SLC9C2: variants seen among roughly 807,000 people sequenced by gnomAD.
SLC9C2 encodes the protein sodium/hydrogen exchanger 11.
A neutral mutation model predicts 140.2 loss-of-function variants in SLC9C2; 75 were observed. That is an observed-to-expected ratio of 0.53 (90% CI 0.44 to 0.65). SLC9C2 has a LOEUF of 0.65. Among genes scored for constraint, SLC9C2 ranks in the 30% least tolerant of loss-of-function variants. The probability of loss-of-function intolerance (pLI) is 0.00; values close to 1 mark genes in which losing one functional copy is unlikely to be tolerated. For missense variants in SLC9C2, 1,074 were observed against 1,331.8 expected, an observed-to-expected ratio of 0.81 and a Z score of 3.01; for synonymous variants, 375 against 420.9, an observed-to-expected ratio of 0.89 and a Z score of 1.34.
At chr1:173,570,420 CA>C (rs759358734) in intron 9 of SLC9C2, among the ~76,000 whole-genome samples, 14 of 152,106 alleles carry the variant, frequency 9.2e-5, no homozygotes, top group Middle Eastern at 3.4e-3. Context: ...AGCTGGTATC[CA>C]AGATGCAGGA....
In SLC9C2 at chr1:173,583,490, C is replaced by CA. The variant is rs775253604; in HGVS notation, c.640+15dup. The CA allele has an allele frequency of 4.3e-6, 6 of 1,388,972 alleles. No individual in the cohort carries two copies. The highest frequency in any genetic ancestry group is 2.3e-5 in the East Asian group (1 of 43,692). The allele number at this position is 1,388,972 out of a possible 1,614,324, so 86.0% of individuals were successfully genotyped here. A position where few individuals can be genotyped will look rare whatever the true frequency, so the allele number is the denominator to read the frequency against. ...AGAATGATTTTAGAAAATATACAGA[C>CA]AAAAAATGCTCCTACCTCTAAAAAT... On this transcript the variant is annotated intron_variant, in intron 6 of 27. Coordinates refer to ENST00000367714, the MANE Select transcript of SLC9C2 (RefSeq NM_178527.4).
At chr1:173,591,506 A>G (rs1666160326) in intron 4 of SLC9C2, among the ~76,000 whole-genome samples, 1 of 152,166 alleles carries the variant, frequency 6.6e-6, no homozygotes, top group South Asian at 2.1e-4. Context: ...TTGTATAAGT[A>G]TTCCCTTTTC....
intron 13 of SLC9C2, among the ~76,000 whole-genome samples, chr1:173,539,942 A>G (rs1662252408): frequency 6.6e-6 from 1 of 152,178 alleles, no homozygotes; most frequent in African/African-American, 2.4e-5. Context: ...CCACTTTGCA[A>G]TTGGCATCGC....
intron 16 of SLC9C2, among the ~76,000 whole-genome samples, 153 bp from the exon 17 acceptor site, chr1:173,533,950 C>T (rs1211312279): frequency 6.6e-6 from 1 of 152,176 alleles, no homozygotes; most frequent in South Asian, 2.1e-4. Context: ...CCCAAAAATT[C>T]TTTAAAATCT....
chr1:173,514,383 T>C (rs1226686314), intron 23 of SLC9C2, among the ~76,000 whole-genome samples: 1 of 152,256 alleles, frequency 6.6e-6, no homozygotes, highest in Non-Finnish European at 1.5e-5. Context: ...CTCTTCTTGT[T>C]GAATTGATCC....
intron 25 of SLC9C2, among the ~76,000 whole-genome samples, chr1:173,505,886 T>C (rs1659602217): frequency 6.6e-6 from 1 of 152,080 alleles, no homozygotes; most frequent in Non-Finnish European, 1.5e-5. Flanking sequence ...GTTAAGCAAC[T>C]TACCTAAGCT....
chr1:173,517,555 G>A lies in SLC9C2; in HGVS notation c.2889C>T (p.Ile963=). The A allele has an allele frequency of 6.2e-7, 1 of 1,607,738 alleles. No individual in the cohort carries two copies. The highest frequency in any genetic ancestry group is 8.5e-7 in the Non-Finnish European group (1 of 1,178,228). The part of the protein sequence containing the change: ...LLKREIEYTV[I]CETSLQACFI... ...TTCCTACCTGTAAACTAGTTTCACA[G>A]ATGACGGTATATTCAATTTCACGCT... Residue 963 remains isoleucine (I), a synonymous_variant, in exon 23 of 28, where the codon ATC becomes ATT. Transcript: ENST00000367714.
At chr1:173,544,006 G>T (rs1042356473) in intron 13 of SLC9C2, among the ~76,000 whole-genome samples, 10 of 152,160 alleles carry the variant, frequency 6.6e-5, no homozygotes, top group African/African-American at 1.9e-4. Flanking sequence ...ATTGACAAAT[G>T]GGATCTAATT....
chr1:173,529,754 C>A, intron 18 of SLC9C2, 151 bp downstream of exon 18: 1 of 781,418 alleles, frequency 1.3e-6, no homozygotes, highest in East Asian at 2.6e-5. Flanking sequence ...AGACTGTTCT[C>A]TGTAGCACCT....
rs377244688 is a variant in SLC9C2 at position 173,563,396 on chromosome 1, C to T, written c.1047-5888G>A. Among the ~76,000 whole-genome samples the T allele has an allele frequency of 7.9e-5, 12 of 151,908 alleles. 1 individual carries two copies. In the East Asian group the frequency reaches 2.3e-3, roughly 29 times the overall value. On this transcript the variant is annotated intron_variant, in intron 9 of 27. Coordinates refer to ENST00000367714, the MANE Select transcript of SLC9C2 (RefSeq NM_178527.4). The stretch of plus-strand genomic sequence containing the variant: ...TCTTCTTTTATGAACTTGTCGTATC[C>T]TTCATAATTTTTTTTTAACGCTCCC...
At chr1:173,553,009 A>G (rs1663424354) in intron 11 of SLC9C2, among the ~76,000 whole-genome samples, 1 of 152,224 alleles carries the variant, frequency 6.6e-6, no homozygotes, top group East Asian at 1.9e-4. Context: ...AGGTCAAAAT[A>G]TCAACATTAA....
chr1:173,521,362 G>GT lies in SLC9C2; in HGVS notation c.2677dup (p.Thr893AsnfsTer4). On this transcript the variant is annotated frameshift_variant, in exon 22 of 28. Coordinates refer to ENST00000367714, the MANE Select transcript of SLC9C2 (RefSeq NM_178527.4). LOFTEE classifies it high-confidence loss of function. Reference sequence around the variant, plus strand: ...TGGCATTTCACCTCCTTTACAAATGGTATCTCCAGAGTCAAAACAGGCAAG... The same window carrying GT: ...TGGCATTTCACCTCCTTTACAAATGGTTATCTCCAGAGTCAAAACAGGCAAG... 6.5e-7 allele frequency: 1 copy of GT among 1,548,752 alleles called. No homozygotes were observed. Among genetic ancestry groups the GT allele is most frequent in the Non-Finnish European group, 8.7e-7 (1 of 1,155,594 alleles).
Position 173,500,916 on chromosome 1 carries a change from GA to G in SLC9C2, c.*177del. 1.8e-6 allele frequency: 1 copy of G among 568,834 alleles called. No homozygotes were observed. The highest frequency in any genetic ancestry group is 2.6e-6 in the Non-Finnish European group (1 of 382,844). 35.2% of individuals were successfully genotyped at this position (568,834 alleles called of 1,614,324 possible). ...CTACTTAAAATTAAGAAGTTTTACA[GA>G]AGTCCATCCATTGCTTATAAACTAA... On this transcript the variant is annotated 3_prime_UTR_variant, in exon 28 of 28. Transcript: ENST00000367714.
rs1659901286 is a variant in SLC9C2 at position 173,509,640 on chromosome 1, C to T, written c.2967G>A (p.Leu989=). ...YEGFDAFWPS[L]EYKIWLKLAL... is the part of the protein sequence containing the mutation. ...CAAGCTTTAGCCATATTTTATATTC[C>T]AGAGATGGCCAGAAGGCATCAAAGC... is the stretch of plus-strand genomic sequence containing the variant. Residue 989 remains leucine, a synonymous_variant, in exon 24 of 28, where the codon CTG becomes CTA. Transcript: ENST00000367714. The T allele has an allele frequency of 3.1e-6, 5 of 1,595,252 alleles. No homozygotes were observed. In the East Asian group the frequency reaches 9.0e-5, roughly 29 times the overall value.
intron 5 of SLC9C2, among the ~76,000 whole-genome samples, chr1:173,585,264 G>A (rs954675036): frequency 1.3e-5 from 2 of 152,028 alleles, no homozygotes; most frequent in African/African-American, 4.8e-5. Context: ...TTTAGATTTA[G>A]GTTGTACAGG....
chr1:173,599,615 CT>C (rs561361551), intron 3 of SLC9C2, among the ~76,000 whole-genome samples: 36 of 144,636 alleles, frequency 2.5e-4, no homozygotes, highest in African/African-American at 4.0e-4. Context: ...TTCTTTCCTT[CT>C]TTTTTTTTTG....
intron 3 of SLC9C2, among the ~76,000 whole-genome samples, chr1:173,599,157 C>T (rs1015497047): frequency 3.3e-5 from 5 of 151,624 alleles, no homozygotes; most frequent in Admixed American, 2.6e-4. Context: ...CTCGCTCTGT[C>T]ACCCAGGCTG....
chr1:173,600,821 A>T (rs560774611), intron 2 of SLC9C2, among the ~76,000 whole-genome samples: 2 of 152,340 alleles, frequency 1.3e-5, no homozygotes, highest in Admixed American at 6.5e-5. Flanking sequence ...TAGTGAGTAT[A>T]TTAAAGATTC....
rs771656135 is a variant in SLC9C2 at position 173,548,520 on chromosome 1, T to A, written c.1330A>T (p.Ile444Phe). Residue 444 changes from isoleucine to phenylalanine, a missense_variant, in exon 12 of 28, where the codon ATC becomes TTC. Ile to Phe is a conservative substitution (Grantham distance 21). Transcript: ENST00000367714. ...ATGTGCTGAGTGGCATTTTGCAAGATCATTTGTCTTGGGAGGGAAAGAACA... is the reference window on the plus strand; with the variant it reads ...ATGTGCTGAGTGGCATTTTGCAAGAACATTTGTCTTGGGAGGGAAAGAACA... ...LCVLSLPRQMILQNATQHIQE... is the reference protein window; with the variant it reads ...LCVLSLPRQMFLQNATQHIQE... The A allele has an allele frequency of 2.5e-6, 4 of 1,613,804 alleles. 1 individual carries two copies. The South Asian group carries it at 3.3e-5, about 13-fold the overall frequency.
Sources: gnomAD v4.1 joint callset for allele counts (sites outside exome capture counted in the v4.1 genomes callset) on GRCh38, gnomAD v4.1.1 for gene constraint, MANE v1.5 for transcripts, NCBI Gene and HGNC (gene_info 2026-07-23, HGNC 2026-07-21) for gene names.